The following LRRC7 variants were observed in gnomAD, a reference collection of about 807,000 sequenced individuals.
LRRC7 encodes the protein leucine rich repeat containing 7, also known as leucine-rich repeat-containing protein 7.
Under a neutral mutation model 175.7 loss-of-function variants are expected in LRRC7, and 23 were observed. The ratio of observed to expected loss-of-function variants is 0.13; its 90% CI spans 0.09 to 0.19. The LOEUF (loss-of-function observed/expected upper bound fraction) is 0.19. Ranked by LOEUF, LRRC7 falls within the 10% of genes least tolerant of loss-of-function variation. The pLI, the probability that LRRC7 is intolerant of heterozygous loss-of-function variation, is 1.00. For synonymous variants in LRRC7, 685 were observed against 680.9 expected, an observed-to-expected ratio of 1.01 and a Z score of -0.09; for missense variants, 1,354 against 1,904.7, an observed-to-expected ratio of 0.71 and a Z score of 5.38.
In LRRC7 at chr1:69,986,394, T is replaced by C; in HGVS notation, c.931+8T>C. 1 of 1,600,716 alleles carries C rather than the reference T, an allele frequency of 6.2e-7. No homozygotes were observed. Among genetic ancestry groups the C allele is most frequent in the Non-Finnish European group, 8.5e-7 (1 of 1,175,122 alleles). ...AATTGCCTGATTCTATAGGTGAGAATATAATATTTTGTCACAAATATTTAT... is the reference window on the plus strand; with the variant it reads ...AATTGCCTGATTCTATAGGTGAGAACATAATATTTTGTCACAAATATTTAT... On this transcript the variant is annotated splice_region_variant and intron_variant, in intron 10 of 26. Coordinates refer to ENST00000651989, the MANE Select transcript of LRRC7 (RefSeq NM_001370785.2).
chr1:70,020,071 G>GT lies in LRRC7; in HGVS notation c.1421-927dup, dbSNP rs1445865774. The stretch of plus-strand genomic sequence containing the variant: ...CCTAGCTGAGTTTGCTTTTGTTTTT[G>GT]TTTTTTTCTTTGAGAAAAGAAAGGT... On this transcript the variant is annotated intron_variant, in intron 15 of 26. Transcript: ENST00000651989. Among the ~76,000 whole-genome samples, 11 of 151,854 alleles carry GT rather than the reference G, an allele frequency of 7.2e-5. No individual in the cohort carries two copies. The East Asian group carries it at 1.9e-3, about 27-fold the overall frequency.
chr1:69,706,015 C>A (rs1224449452), intron 2 of LRRC7, among the ~76,000 whole-genome samples: 1 of 152,134 alleles, frequency 6.6e-6, no homozygotes. Flanking sequence ...ACCTAGCACA[C>A]AGGATGCAAC....
Position 69,939,864 on chromosome 1 carries a change from A to G in LRRC7, c.711+8294A>G, listed in dbSNP as rs1013249664. On this transcript the variant is annotated intron_variant, in intron 8 of 26. Transcript: ENST00000651989. ...ATACAAATTTTTAACTCTAAACAATAGTAGAGGTAGAGAAAATACTTTAAT... is the reference window on the plus strand; with the variant it reads ...ATACAAATTTTTAACTCTAAACAATGGTAGAGGTAGAGAAAATACTTTAAT... 2.0e-5 allele frequency among the ~76,000 whole-genome samples: 3 copies of G among 152,216 alleles called. No homozygotes were observed. In the South Asian group the frequency reaches 6.2e-4, roughly 32 times the overall value.
intron 1 of LRRC7, among the ~76,000 whole-genome samples, chr1:69,621,356 C>G (rs1650570549): frequency 6.6e-6 from 1 of 152,060 alleles, no homozygotes; most frequent in African/African-American, 2.4e-5. Flanking sequence ...TCTTGTATTT[C>G]TTTATAGAGA....
intron 23 of LRRC7, among the ~76,000 whole-genome samples, chr1:70,055,870 A>G (rs958836852): frequency 6.6e-6 from 1 of 152,232 alleles, no homozygotes; most frequent in Non-Finnish European, 1.5e-5. Context: ...TAACAAATTC[A>G]TAGATCCAAT....
At chr1:69,609,041 A>G (rs1309025947) in intron 1 of LRRC7, among the ~76,000 whole-genome samples, 1 of 151,628 alleles carries the variant, frequency 6.6e-6, no homozygotes, top group Non-Finnish European at 1.5e-5. Context: ...AAAAATGTCC[A>G]GATAATGGGA....
Position 69,982,880 on chromosome 1 carries a change from A to G in LRRC7, c.786+2427A>G, listed in dbSNP as rs115815273. 3.1e-3 allele frequency among the ~76,000 whole-genome samples: 475 copies of G among 152,340 alleles called. 3 individuals carry two copies. The highest frequency in any genetic ancestry group is 0.01 in the African/African-American group (426 of 41,580). ...AAGAATTTATGCCTTTACAGTCCTC[A>G]GGCTATGATTGCTTTGATACAGTGT... On this transcript the variant is annotated intron_variant, in intron 9 of 26. Coordinates refer to ENST00000651989, the MANE Select transcript of LRRC7 (RefSeq NM_001370785.2).
chr1:69,894,708 CT>C (rs1320802902), intron 7 of LRRC7, among the ~76,000 whole-genome samples: 1 of 152,026 alleles, frequency 6.6e-6, no homozygotes, highest in African/African-American at 2.4e-5. Flanking sequence ...ATGGATGGAC[CT>C]GGAAGACATT....
chr1:69,813,992 T>G (rs975579646), intron 4 of LRRC7, among the ~76,000 whole-genome samples: 6 of 152,178 alleles, frequency 3.9e-5, no homozygotes, highest in African/African-American at 1.4e-4. Context: ...AGCATGCATA[T>G]GTATATATAC....
intron 1 of LRRC7, among the ~76,000 whole-genome samples, chr1:69,630,149 T>G (rs1033405523): frequency 6.6e-6 from 1 of 152,114 alleles, no homozygotes; most frequent in African/African-American, 2.4e-5. Flanking sequence ...ATCTCTCTAT[T>G]TTCTTGTTCC....
At chr1:69,799,892 C>T (rs903974116) in intron 4 of LRRC7, among the ~76,000 whole-genome samples, 2 of 151,950 alleles carry the variant, frequency 1.3e-5, no homozygotes, top group African/African-American at 4.8e-5. Flanking sequence ...ACATTTAAGT[C>T]TTTAATACAT....
At chr1:70,101,704 T>C (rs1664817926) in intron 25 of LRRC7, among the ~76,000 whole-genome samples, 1 of 152,232 alleles carries the variant, frequency 6.6e-6, no homozygotes, top group African/African-American at 2.4e-5. Flanking sequence ...AAGCCCATTA[T>C]GAGTACTTCT....
At chr1:70,032,778 T>C (rs1454285303) in intron 18 of LRRC7, among the ~76,000 whole-genome samples, 1 of 152,210 alleles carries the variant, frequency 6.6e-6, no homozygotes, top group Non-Finnish European at 1.5e-5. Flanking sequence ...GACTTCTTCC[T>C]GAGGCTTCTT....
chr1:69,729,647 C>T (rs371019317), intron 2 of LRRC7, among the ~76,000 whole-genome samples: 3 of 152,212 alleles, frequency 2.0e-5, no homozygotes, highest in African/African-American at 7.2e-5. Flanking sequence ...TTTGCAGGTA[C>T]AGCCCCCCTC....
chr1:69,645,101 G>A (rs1412718339), intron 1 of LRRC7, among the ~76,000 whole-genome samples: 1 of 151,940 alleles, frequency 6.6e-6, no homozygotes, highest in East Asian at 1.9e-4. Flanking sequence ...CATTGTATCA[G>A]AAGGTCTAGC....
At chr1:70,088,766 C>A (rs766899658) in intron 24 of LRRC7, among the ~76,000 whole-genome samples, 56 of 152,134 alleles carry the variant, frequency 3.7e-4, no homozygotes, top group Non-Finnish European at 5.9e-4. Flanking sequence ...TAGAGTTTCT[C>A]TAGGTCATCC....
chr1:70,070,948 G>T (rs893974463), intron 23 of LRRC7, among the ~76,000 whole-genome samples: 2 of 152,228 alleles, frequency 1.3e-5, no homozygotes, highest in African/African-American at 4.8e-5. Context: ...GGGAATGAAT[G>T]CTGTGCACCT....
chr1:69,697,360 C>T (rs1405894750), intron 2 of LRRC7, among the ~76,000 whole-genome samples: 1 of 152,148 alleles, frequency 6.6e-6, no homozygotes, highest in African/African-American at 2.4e-5. Flanking sequence ...ATTTTAATAA[C>T]TTGTTTGTTA....
intron 11 of LRRC7, among the ~76,000 whole-genome samples, chr1:70,007,161 G>A (rs1656067844): frequency 6.6e-6 from 1 of 152,174 alleles, no homozygotes; most frequent in African/African-American, 2.4e-5. Context: ...CTAATCACAA[G>A]GTGGTTCCCT....
Sources: gnomAD v4.1 joint callset for allele counts (sites outside exome capture counted in the v4.1 genomes callset) on GRCh38, gnomAD v4.1.1 for gene constraint, MANE v1.5 for transcripts, NCBI Gene and HGNC (gene_info 2026-07-23, HGNC 2026-07-21) for gene names.